SEMA5B: variants seen among roughly 807,000 people sequenced by gnomAD.
The protein encoded by SEMA5B is semaphorin 5B, also known as semaphorin-5B.
SEMA5B carries 66 observed loss-of-function variants against 135.0 expected under a neutral mutation model. The ratio of observed to expected loss-of-function variants is 0.49; its 90% CI spans 0.40 to 0.60. The LOEUF (loss-of-function observed/expected upper bound fraction) is 0.60, where lower values mean the gene tolerates loss of function less well. Ranked by LOEUF, SEMA5B falls within the 20% of genes least tolerant of loss-of-function variation. The probability of loss-of-function intolerance (pLI) is 0.00; values close to 1 mark genes in which losing one functional copy is unlikely to be tolerated. For synonymous variants in SEMA5B, 690 were observed against 639.5 expected (o/e 1.08, Z -1.19); for missense variants, 1,501 against 1,566.3 (o/e 0.96, Z 0.70).
In SEMA5B at chr3:122,928,550, G is replaced by T. The variant is rs1225328056; in HGVS notation, c.603C>A (p.Thr201=). The change falls in exon 7 of 23, where the codon ACC becomes ACA. Residue 201 remains threonine (T), a synonymous_variant. Transcript: ENST00000357599. The part of the protein sequence containing the change: ...VAGRKVFMCG[T]NAFSPMCTSR... ...TGGTGCACATGGGGGAAAAGGCATTGGTTCCACACATGAACACCTTCCGGC... is the reference window on the plus strand; with the variant it reads ...TGGTGCACATGGGGGAAAAGGCATTTGTTCCACACATGAACACCTTCCGGC... 2 of 1,565,922 alleles carry T rather than the reference G, an allele frequency of 1.3e-6. No homozygotes were observed. Among genetic ancestry groups the T allele is most frequent in the South Asian group, 1.2e-5 (1 of 84,938 alleles).
intron 1 of SEMA5B, among the ~76,000 whole-genome samples, chr3:123,007,951 A>G (rs1045651405): frequency 2.6e-5 from 4 of 152,274 alleles, no homozygotes; most frequent in African/African-American, 9.6e-5. Context: ...CTAAGGAAAG[A>G]CACAGAAAAT....
intron 1 of SEMA5B, among the ~76,000 whole-genome samples, chr3:122,978,116 C>T (rs2107670177): frequency 6.6e-6 from 1 of 152,364 alleles, no homozygotes; most frequent in East Asian, 1.9e-4. Flanking sequence ...CAGACTGACG[C>T]AGGAGACAGA....
intron 1 of SEMA5B, among the ~76,000 whole-genome samples, chr3:122,986,701 A>G (rs1202110657): frequency 1.3e-5 from 2 of 151,458 alleles, no homozygotes; most frequent in African/African-American, 4.8e-5. Context: ...ACACACAGAC[A>G]CACACACACA....
intron 4 of SEMA5B, among the ~76,000 whole-genome samples, chr3:122,940,084 G>A (rs1311667588): frequency 3.3e-5 from 5 of 152,102 alleles, no homozygotes; most frequent in Middle Eastern, 3.4e-3. Context: ...TAACCCAAAC[G>A]ACCCCATCCA....
Position 122,986,686 on chromosome 3 carries a change from A to AAC in SEMA5B, c.-38-25387_-38-25386dup, listed in dbSNP as rs1264224859. ...GCAATGCAAATGGTGGGTAGAAAGG[A>AAC]ACACACACACAGACACACACACACA... On this transcript the variant is annotated intron_variant, in intron 1 of 22. Transcript: ENST00000357599. 9.0e-4 allele frequency among the ~76,000 whole-genome samples: 136 copies of AAC among 151,634 alleles called. 1 individual carries two copies. The highest frequency in any genetic ancestry group is 3.2e-3 in the African/African-American group (134 of 41,294).
intron 5 of SEMA5B, among the ~76,000 whole-genome samples, chr3:122,931,796 A>G (rs1225844456): frequency 1.3e-5 from 2 of 152,364 alleles, no homozygotes; most frequent in African/African-American, 2.4e-5. Flanking sequence ...CTGGATGCTT[A>G]TAGAATGAGC....
At chr3:122,971,683 T>C (rs1941126993) in intron 1 of SEMA5B, among the ~76,000 whole-genome samples, 1 of 152,246 alleles carries the variant, frequency 6.6e-6, no homozygotes, top group South Asian at 2.1e-4. Flanking sequence ...CACACACTTA[T>C]TGCTGCATGG....
rs566538932 is a variant in SEMA5B at position 122,970,077 on chromosome 3, C to T, written c.-38-8776G>A. Among the ~76,000 whole-genome samples, 8 of 152,292 alleles carry T rather than the reference C, an allele frequency of 5.3e-5. 1 individual carries two copies. The highest frequency in any genetic ancestry group is 5.2e-4 in the Admixed American group (8 of 15,292). On this transcript the variant is annotated intron_variant, in intron 1 of 22. Transcript: ENST00000357599. Reference sequence around the variant, plus strand: ...CTGCTACTTCTCTAGGGCTCAGAAACCACACTTGCCCCTGACCTAGAGCCC... The same window carrying T: ...CTGCTACTTCTCTAGGGCTCAGAAATCACACTTGCCCCTGACCTAGAGCCC...
chr3:122,951,706 CCCTGAGGGGGCAGAGT>C, intron 2 of SEMA5B, among the ~76,000 whole-genome samples: 1 of 152,254 alleles, frequency 6.6e-6, no homozygotes, highest in East Asian at 1.9e-4. Context: ...AGAATCATCC[CCCTGAGGGGGCAGAGT>C]CCTGGGCTGG....
In SEMA5B at chr3:122,980,919, C is replaced by A. The variant is rs990411370; in HGVS notation, c.-38-19618G>T. Among the ~76,000 whole-genome samples the A allele has an allele frequency of 3.9e-5, 6 of 152,230 alleles. No individual in the cohort carries two copies. In the East Asian group the frequency reaches 1.2e-3, roughly 29 times the overall value. On this transcript the variant is annotated intron_variant, in intron 1 of 22. Transcript: ENST00000357599. ...TGTAAGCAGATTCTTACAGTATTTG[C>A]CCTTTTGTGTCTGGCTTACTTCACT...
At chr3:122,980,849 C>A (rs1280163110) in intron 1 of SEMA5B, among the ~76,000 whole-genome samples, 1 of 152,186 alleles carries the variant, frequency 6.6e-6, no homozygotes, top group African/African-American at 2.4e-5. Flanking sequence ...CTGAGAGCCA[C>A]CATTTCTACT....
In SEMA5B at chr3:122,913,305, G is replaced by A; in HGVS notation, c.2400C>T (p.Phe800=). Residue 800 remains phenylalanine, a synonymous_variant, in exon 17 of 23, where the codon TTC becomes TTT. Coordinates refer to ENST00000357599, the MANE Select transcript of SEMA5B (RefSeq NM_001031702.4). ...GGTCTGCAAGGGGCGCGCGGCAGGT[G>A]AAGCGGAACCGCTGCTCCTGCCGTG... The part of the protein sequence containing the change: ...GGARQEQRFR[F]TCRAPLADPH... 6.3e-7 allele frequency: 1 copy of A among 1,576,610 alleles called. No homozygotes were observed. Among genetic ancestry groups the A allele is most frequent in the South Asian group, 1.1e-5 (1 of 87,746 alleles).
chr3:122,943,179 G>A (rs538581758), intron 4 of SEMA5B, among the ~76,000 whole-genome samples: 10 of 152,230 alleles, frequency 6.6e-5, no homozygotes, highest in South Asian at 4.1e-4. Context: ...GCCAGCAGGC[G>A]TCCCTGCTCT....
chr3:122,984,160 C>T (rs1214089535), intron 1 of SEMA5B, among the ~76,000 whole-genome samples: 2 of 152,338 alleles, frequency 1.3e-5, no homozygotes, highest in African/African-American at 2.4e-5. Flanking sequence ...CTGTCTCCCG[C>T]CCCCCGCCGT....
chr3:122,961,064 T>A, intron 2 of SEMA5B, 76 bp downstream of exon 2: 1 of 1,454,712 alleles, frequency 6.9e-7, no homozygotes. Flanking sequence ...ATGCCCCAGA[T>A]GAGGGGGTCT....
At chr3:122,966,887 T>TTATTATTATTATTAC (rs1553778842) in intron 1 of SEMA5B, among the ~76,000 whole-genome samples, 88 of 142,896 alleles carry the variant, frequency 6.2e-4, no homozygotes, top group South Asian at 5.6e-3. Flanking sequence ...ATTATTATTA[T>TTATTATTATTATTAC]TATTATTATT....
rs949548950 is a variant in SEMA5B at position 122,934,585 on chromosome 3, A to G, written c.474+4840T>C. Among the ~76,000 whole-genome samples the G allele has an allele frequency of 3.3e-5, 5 of 152,248 alleles. No individual in the cohort carries two copies. The East Asian group carries it at 7.7e-4, about 23-fold the overall frequency. On this transcript the variant is annotated intron_variant, in intron 5 of 22. Coordinates refer to ENST00000357599, the MANE Select transcript of SEMA5B (RefSeq NM_001031702.4). ...GAGAAATATTGTTTTAAAGAGACATATCAACAAATTGCAGCATATTTGAAT... is the reference window on the plus strand; with the variant it reads ...GAGAAATATTGTTTTAAAGAGACATGTCAACAAATTGCAGCATATTTGAAT...
intron 1 of SEMA5B, among the ~76,000 whole-genome samples, chr3:123,013,053 G>A (rs768576231): frequency 5.9e-5 from 9 of 152,224 alleles, no homozygotes; most frequent in Non-Finnish European, 1.2e-4. Context: ...TGGAGCCAGG[G>A]ATGGAGCCAA....
At position 122,961,162 on chromosome 3, in the gene SEMA5B, GC is replaced by G. The variant is rs761626324; in HGVS notation, c.101del (p.Gly34AlafsTer156). The G allele has an allele frequency of 6.2e-7, 1 of 1,613,082 alleles. No homozygotes were observed. The highest frequency in any genetic ancestry group is 2.2e-5 in the East Asian group (1 of 44,848). On this transcript the variant is annotated frameshift_variant, in exon 2 of 23. Transcript: ENST00000357599. LOFTEE classifies it high-confidence loss of function. ...QQLRCGWTVG[G>X]WLLSLVRGLL... ...TACCCCTGACCAGTGAGAGAAGCCAGCCCCCTACTGTCCATCCACACCTTAG... is the reference window on the plus strand; with the variant it reads ...TACCCCTGACCAGTGAGAGAAGCCAGCCCCTACTGTCCATCCACACCTTAG...
Sources: allele counts gnomAD v4.1 joint callset (sites outside exome capture counted in the v4.1 genomes callset), GRCh38; gene constraint gnomAD v4.1.1; transcripts MANE v1.5; gene names NCBI Gene and HGNC (gene_info 2026-07-23, HGNC 2026-07-21).